The following PCSK5 variants were observed in gnomAD, a reference collection of about 807,000 sequenced individuals.
PCSK5 encodes prohormone convertase 5.
PCSK5 carries 129 observed loss-of-function variants against 233.2 expected under a neutral mutation model. That is an observed-to-expected ratio of 0.55 (90% CI 0.48 to 0.64). The LOEUF (loss-of-function observed/expected upper bound fraction) is 0.64, where lower values mean the gene tolerates loss of function less well. PCSK5 is among the 30% of genes least tolerant of loss of function. The pLI, the probability that PCSK5 is intolerant of heterozygous loss-of-function variation, is 0.00. For synonymous variants in PCSK5, 825 were observed against 879.2 expected (o/e 0.94, Z 1.09); for missense variants, 2,076 against 2,430.1 (o/e 0.85, Z 3.06).
At chr9:76,347,580 T>C (rs1830011124) in intron 35 of PCSK5, among the ~76,000 whole-genome samples, 1 of 152,068 alleles carries the variant, frequency 6.6e-6, no homozygotes, top group African/African-American at 2.4e-5. Context: ...CAATTTATTG[T>C]TGGTCTTCTA....
chr9:76,080,855 T>G (rs1294275958), intron 7 of PCSK5, among the ~76,000 whole-genome samples: 2 of 152,176 alleles, frequency 1.3e-5, no homozygotes, highest in Non-Finnish European at 2.9e-5. Context: ...TATCACTATT[T>G]AAAATGGGCA....
intron 1 of PCSK5, among the ~76,000 whole-genome samples, chr9:75,904,580 A>G (rs1173690228): frequency 1.3e-5 from 2 of 152,230 alleles, no homozygotes; most frequent in African/African-American, 4.8e-5. Context: ...GTCAAACCTC[A>G]ATAAGCTACT....
intron 20 of PCSK5, among the ~76,000 whole-genome samples, chr9:76,221,112 G>A (rs1488263453): frequency 6.6e-6 from 1 of 152,200 alleles, no homozygotes; most frequent in Non-Finnish European, 1.5e-5. Context: ...CAAACTGCTT[G>A]TAAAATCTGT....
rs189365751 is a variant in PCSK5, at chr9:76,009,425, G to A, written c.412-14313G>A. ...GGGTGGATCACGAGGTCAGGAGATC[G>A]AGACCAGCCTGGCCAACATGGTGAA... is the stretch of plus-strand genomic sequence containing the variant. On this transcript the variant is annotated intron_variant, in intron 3 of 37. Transcript: ENST00000674117. Among the ~76,000 whole-genome samples, 402 of 152,030 alleles carry A rather than the reference G, an allele frequency of 2.6e-3. 2 individuals are homozygous for A. The highest frequency in any genetic ancestry group is 8.9e-3 in the African/African-American group (370 of 41,474).
chr9:75,972,891 A>C (rs888225796), intron 2 of PCSK5, among the ~76,000 whole-genome samples: 1 of 152,194 alleles, frequency 6.6e-6, no homozygotes, highest in African/African-American at 2.4e-5. Context: ...GTGATAACCC[A>C]AAGGGAGAGA....
chr9:76,131,483 T>C (rs1822759381), intron 9 of PCSK5, among the ~76,000 whole-genome samples: 1 of 152,098 alleles, frequency 6.6e-6, no homozygotes. Flanking sequence ...CACCTTCTTT[T>C]TCCATGTGTA....
At chr9:76,020,599 A>G (rs745596057) in intron 3 of PCSK5, among the ~76,000 whole-genome samples, 1 of 152,206 alleles carries the variant, frequency 6.6e-6, no homozygotes, top group Non-Finnish European at 1.5e-5. Context: ...ACCTCCTACC[A>G]TAGTGATGTA....
intron 10 of PCSK5, among the ~76,000 whole-genome samples, chr9:76,153,916 G>A (rs1464886584): frequency 6.6e-6 from 1 of 152,196 alleles, no homozygotes; most frequent in Admixed American, 6.5e-5. Flanking sequence ...GGTAACAGTA[G>A]ATGTGCAAGA....
intron 2 of PCSK5, among the ~76,000 whole-genome samples, chr9:75,960,252 GT>G (rs1449855341): frequency 6.6e-6 from 1 of 152,190 alleles, no homozygotes; most frequent in Non-Finnish European, 1.5e-5. Context: ...AGAAGACTCA[GT>G]CAGAGCAATT....
At chr9:76,349,283 A>G (rs1480443793) in intron 35 of PCSK5, among the ~76,000 whole-genome samples, 2 of 145,884 alleles carry the variant, frequency 1.4e-5, no homozygotes, top group Admixed American at 1.4e-4. Flanking sequence ...CAAAAAAAAA[A>G]AAAAAAAAGA....
intron 2 of PCSK5, among the ~76,000 whole-genome samples, chr9:75,982,712 A>G (rs1013191892): frequency 7.0e-6 from 1 of 143,008 alleles, no homozygotes; most frequent in Non-Finnish European, 1.5e-5. Context: ...AGAGCTATAC[A>G]CTTTTGCCCA....
intron 20 of PCSK5, among the ~76,000 whole-genome samples, chr9:76,218,254 T>C (rs1825608470): frequency 6.6e-6 from 1 of 152,060 alleles, no homozygotes; most frequent in Middle Eastern, 3.2e-3. Context: ...CTTTGTTTGG[T>C]ATAGGGAGGC....
chr9:76,020,422 TC>T (rs1828132775), intron 3 of PCSK5, among the ~76,000 whole-genome samples: 1 of 152,178 alleles, frequency 6.6e-6, no homozygotes, highest in South Asian at 2.1e-4. Flanking sequence ...AAGTCGAAGA[TC>T]CACATTCAGG....
intron 24 of PCSK5, among the ~76,000 whole-genome samples, chr9:76,250,588 A>G (rs1413237684): frequency 1.3e-5 from 2 of 152,222 alleles, no homozygotes; most frequent in East Asian, 3.8e-4. Context: ...ATCCCAACGG[A>G]GGGACATTTT....
chr9:76,052,321 A>T (rs1403201609), intron 5 of PCSK5, among the ~76,000 whole-genome samples: 1 of 152,174 alleles, frequency 6.6e-6, no homozygotes, highest in Non-Finnish European at 1.5e-5. Context: ...ATAAAGACAC[A>T]CCCAAGACTG....
chr9:76,292,519 C>A (rs1828309868), intron 25 of PCSK5, among the ~76,000 whole-genome samples: 1 of 152,176 alleles, frequency 6.6e-6, no homozygotes, highest in Admixed American at 6.6e-5. Flanking sequence ...GTCTAGGAAT[C>A]CTGCCATGGG....
At chr9:76,321,729 G>A (rs1829212307) in intron 31 of PCSK5, 90 bp downstream of exon 31, 1 of 754,374 alleles carries the variant, frequency 1.3e-6, no homozygotes, top group Admixed American at 2.4e-5. Context: ...AAGAGCTGTG[G>A]GAACCAGTCT....
chr9:75,908,875 T>TATCTATCTATC (rs1822537064), intron 1 of PCSK5, among the ~76,000 whole-genome samples: 2 of 116,034 alleles, frequency 1.7e-5, no homozygotes, highest in Non-Finnish European at 3.5e-5. Flanking sequence ...CTCTTTCTAT[T>TATCTATCTATC]TATCTATCTA....
chr9:76,051,189 C>T (rs902009028), intron 5 of PCSK5, among the ~76,000 whole-genome samples: 2 of 152,172 alleles, frequency 1.3e-5, no homozygotes, highest in African/African-American at 4.8e-5. Flanking sequence ...AGCAGCATTG[C>T]TTAGTGTCTG....
Sources: allele counts gnomAD v4.1 joint callset (sites outside exome capture counted in the v4.1 genomes callset), GRCh38; gene constraint gnomAD v4.1.1; transcripts MANE v1.5; gene names NCBI Gene and HGNC (gene_info 2026-07-23, HGNC 2026-07-21).